FREM3: variants seen among roughly 807,000 people sequenced by gnomAD.
The protein encoded by FREM3 is FRAS1-related extracellular matrix protein 3.
FREM3 carries 105 observed loss-of-function variants against 129.1 expected under a neutral mutation model. The observed-to-expected ratio is 0.81, with a 90% confidence interval of 0.69 to 0.96. The LOEUF (loss-of-function observed/expected upper bound fraction) is 0.96, where lower values mean the gene tolerates loss of function less well. Among genes scored for constraint, FREM3 ranks in the 40% least tolerant of loss-of-function variants. The pLI is 0.00. For synonymous variants in FREM3, 1,014 were observed against 1,044.9 expected (o/e 0.97, Z 0.57); for missense variants, 2,593 against 2,666.3 (o/e 0.97, Z 0.61).
intron 3 of FREM3, among the ~76,000 whole-genome samples, chr4:143,625,032 C>T (rs1399806523): frequency 6.6e-6 from 1 of 151,838 alleles, no homozygotes; most frequent in East Asian, 1.9e-4. Flanking sequence ...GAGATTTGAG[C>T]TCTGTTAGGA....
chr4:143,698,015 C>T lies in FREM3; in HGVS notation c.2661G>A (p.Gly887=), dbSNP rs553836474. The part of the protein sequence containing the change: ...LQYFKRCMVP[G]ESFMQADVIN... Reference sequence around the variant, plus strand: ...TAACATCAGCTTGCATGAAAGATTCCCCTGGGACCATACATCTTTTAAAGT... The same window carrying T: ...TAACATCAGCTTGCATGAAAGATTCTCCTGGGACCATACATCTTTTAAAGT... The change falls in exon 1 of 8, where the codon GGG becomes GGA. Residue 887 remains glycine (G), a synonymous_variant. Transcript: ENST00000329798. 1 of 1,537,334 alleles carries T rather than the reference C, an allele frequency of 6.5e-7. No homozygotes were observed. Among genetic ancestry groups the T allele is most frequent in the African/African-American group, 1.4e-5 (1 of 73,124 alleles).
intron 5 of FREM3, among the ~76,000 whole-genome samples, chr4:143,615,091 CAGAG>C (rs1333163040): frequency 6.6e-6 from 1 of 152,082 alleles, no homozygotes; most frequent in Non-Finnish European, 1.5e-5. Context: ...ATGTTAAAAT[CAGAG>C]AGAAAGTCCT....
chr4:143,638,144 C>G (rs1248951702), intron 2 of FREM3, among the ~76,000 whole-genome samples: 1 of 152,106 alleles, frequency 6.6e-6, no homozygotes, highest in African/African-American at 2.4e-5. Flanking sequence ...ACAGCGGAAA[C>G]AGTGTGAAAT....
chr4:143,624,541 G>A (rs904253889), intron 3 of FREM3, among the ~76,000 whole-genome samples: 1 of 152,152 alleles, frequency 6.6e-6, no homozygotes, highest in Admixed American at 6.5e-5. Context: ...AGAAAACATG[G>A]AAGGGGGATT....
intron 6 of FREM3, among the ~76,000 whole-genome samples, chr4:143,601,292 C>T (rs1339489927): frequency 2.0e-5 from 3 of 152,174 alleles, no homozygotes; most frequent in Non-Finnish European, 4.4e-5. Context: ...TTTTTCCTTA[C>T]AATGTTTTCT....
chr4:143,671,252 T>G (rs1739959205), intron 2 of FREM3, among the ~76,000 whole-genome samples: 1 of 152,184 alleles, frequency 6.6e-6, no homozygotes, highest in African/African-American at 2.4e-5. Context: ...AGATTATGAT[T>G]AGGAGTATAT....
rs769263889 is a variant in FREM3 at position 143,695,796 on chromosome 4, C to T, written c.4880G>A (p.Gly1627Asp). 1.3e-6 allele frequency: 2 copies of T among 1,537,282 alleles called. No homozygotes were observed. Among genetic ancestry groups the T allele is most frequent in the South Asian group, 1.2e-5 (1 of 84,060 alleles). The change falls in exon 1 of 8, where the codon GGC becomes GAC. Residue 1627 changes from glycine (G) to aspartate (D), a missense_variant. Physicochemically the swap from Gly to Asp is moderately conservative, Grantham distance 94. Coordinates refer to ENST00000329798, the MANE Select transcript of FREM3 (RefSeq NM_001168235.2). ...TAGGACATAGAAATCAGTGTGAGTG[C>T]CGTCTGTCACAGTCAAGGAGAAACT... is the stretch of plus-strand genomic sequence containing the variant. The part of the protein sequence containing the change: ...EDSFSLTVTD[G>D]THTDFYVLPD...
chr4:143,597,893 T>C (rs1368504254), intron 6 of FREM3, among the ~76,000 whole-genome samples: 2 of 152,202 alleles, frequency 1.3e-5, no homozygotes, highest in Non-Finnish European at 2.9e-5. Context: ...TTTATCACAG[T>C]TCTGGAGACT....
intron 2 of FREM3, among the ~76,000 whole-genome samples, chr4:143,648,027 G>A (rs900117202): frequency 6.6e-6 from 1 of 152,246 alleles, no homozygotes; most frequent in Non-Finnish European, 1.5e-5. Flanking sequence ...ACAGCGCAGA[G>A]CTGTTCAAGG....
intron 5 of FREM3, among the ~76,000 whole-genome samples, chr4:143,615,398 G>A (rs1310478924): frequency 6.6e-6 from 1 of 152,206 alleles, no homozygotes; most frequent in Non-Finnish European, 1.5e-5. Flanking sequence ...TTAAAGTGCA[G>A]CAGCTAACAC....
intron 6 of FREM3, among the ~76,000 whole-genome samples, chr4:143,603,434 A>G (rs1456773311): frequency 2.6e-5 from 4 of 152,102 alleles, no homozygotes; most frequent in African/African-American, 7.2e-5. Flanking sequence ...TGTTTGTCTC[A>G]TTTCTTTTCT....
intron 2 of FREM3, among the ~76,000 whole-genome samples, chr4:143,689,353 A>C (rs558009187): frequency 3.9e-5 from 6 of 152,106 alleles, no homozygotes; most frequent in Non-Finnish European, 7.4e-5. Flanking sequence ...CAAGAATGGC[A>C]ATAATCAAAA....
At chr4:143,582,122 CT>C in intron 7 of FREM3, among the ~76,000 whole-genome samples, 1 of 152,272 alleles carries the variant, frequency 6.6e-6, no homozygotes, top group Non-Finnish European at 1.5e-5. Context: ...GTCAAAAGCC[CT>C]TTGCCATTAC....
intron 2 of FREM3, among the ~76,000 whole-genome samples, chr4:143,677,459 A>T (rs1198487309): frequency 3.9e-5 from 6 of 152,220 alleles, no homozygotes; most frequent in South Asian, 2.1e-4. Flanking sequence ...AACCTAGGCA[A>T]TACCATTCAG....
chr4:143,649,762 A>G (rs939110265), intron 2 of FREM3, among the ~76,000 whole-genome samples: 3 of 152,218 alleles, frequency 2.0e-5, no homozygotes, highest in African/African-American at 4.8e-5. Context: ...ACTTGCTACA[A>G]TGGCACTAGA....
intron 6 of FREM3, among the ~76,000 whole-genome samples, chr4:143,596,125 T>C (rs2149836388): frequency 6.6e-6 from 1 of 152,262 alleles, no homozygotes; most frequent in Admixed American, 6.5e-5. Flanking sequence ...AGAGGAATGT[T>C]TGGAATGAAT....
intron 2 of FREM3, among the ~76,000 whole-genome samples, chr4:143,681,847 A>T (rs17018073): frequency 0.073 from 11,077 of 152,224 alleles, 1,075 homozygotes; most frequent in African/African-American, 0.21. Context: ...AAAAGGCAAA[A>T]TTGATAGAGA....
At chr4:143,592,878 G>A (rs375293027) in intron 6 of FREM3, among the ~76,000 whole-genome samples, 164 of 152,288 alleles carry the variant, frequency 1.1e-3, no homozygotes, top group Non-Finnish European at 1.9e-3. Flanking sequence ...AGGTACACCA[G>A]TCAGACGTAG....
At chr4:143,617,486 A>C (rs1428967147) in intron 5 of FREM3, among the ~76,000 whole-genome samples, 2 of 152,234 alleles carry the variant, frequency 1.3e-5, no homozygotes, top group Non-Finnish European at 2.9e-5. Flanking sequence ...CAGTAAACAG[A>C]TAATTTAAGA....
Sources: gnomAD v4.1 joint callset for allele counts (sites outside exome capture counted in the v4.1 genomes callset) on GRCh38, gnomAD v4.1.1 for gene constraint, MANE v1.5 for transcripts, NCBI Gene and HGNC (gene_info 2026-07-23, HGNC 2026-07-21) for gene names.